The following RGS10 variants were observed in gnomAD, a reference collection of about 807,000 sequenced individuals.
RGS10 encodes regulator of G protein signaling 10, also known as regulator of G-protein signalling 10.
A neutral mutation model predicts 23.5 loss-of-function variants in RGS10; 11 were observed. That is an observed-to-expected ratio of 0.47 (90% confidence interval 0.29 to 0.77). The LOEUF is 0.77. RGS10 is among the 30% of genes least tolerant of loss of function. The pLI is 0.08. For synonymous variants in RGS10, 77 were observed against 83.2 expected (o/e 0.92, Z 0.41); for missense variants, 180 against 226.3 (o/e 0.80, Z 1.31).
chr10:119,507,579 CTTTTTTT>C (rs35699150), intron 4 of RGS10, among the ~76,000 whole-genome samples: 9 of 64,404 alleles, frequency 1.4e-4, no homozygotes, highest in Non-Finnish European at 2.4e-4. Context: ...TCACCCAAGG[CTTTTTTT>C]TTTTTTTTTT....
intron 4 of RGS10, among the ~76,000 whole-genome samples, chr10:119,505,914 C>G (rs150016943): frequency 1.6e-4 from 24 of 152,334 alleles, no homozygotes; most frequent in African/African-American, 5.5e-4. Flanking sequence ...GGAAAAAAAT[C>G]ATTCCTTAAG....
rs1404270743 is a variant in RGS10, at chr10:119,527,387, G to C, written c.87C>G (p.His29Gln). Residue 29 changes from histidine to glutamine, a missense_variant, in exon 2 of 5, where the codon CAC becomes CAG. Transcript: ENST00000369103. This position sits in a 1 kb window ranked among gnomAD's most constrained non-coding sequence, Gnocchi z 4.2. Reference sequence around the variant, plus strand: ...ATTTGGCTGTGCTCTTGAGGCTCTGGTGGCTGCTGCTGGAACTGCCATCGC... The same window carrying C: ...ATTTGGCTGTGCTCTTGAGGCTCTGCTGGCTGCTGCTGGAACTGCCATCGC... The part of the protein sequence containing the change: ...HDSDGSSSSS[H>Q]QSLKSTAKWA... 6.2e-7 allele frequency: 1 copy of C among 1,614,218 alleles called. No homozygotes were observed. The highest frequency in any genetic ancestry group is 1.1e-5 in the South Asian group (1 of 91,080).
In RGS10 at chr10:119,503,062, C is replaced by T. The variant is rs146773184; in HGVS notation, c.400-2803G>A. Reference sequence around the variant, plus strand: ...AGGGTGCTCCTGGGACGGGGCTCAGCAAAGGTGACTTAGAGGATGGAGAAT... The same window carrying T: ...AGGGTGCTCCTGGGACGGGGCTCAGTAAAGGTGACTTAGAGGATGGAGAAT... On this transcript the variant is annotated intron_variant, in intron 4 of 4. Coordinates refer to ENST00000369103, the MANE Select transcript of RGS10 (RefSeq NM_001005339.2). Among the ~76,000 whole-genome samples, 72 of 152,272 alleles carry T rather than the reference C, an allele frequency of 4.7e-4. 2 individuals are homozygous for T. In the East Asian group the frequency reaches 0.014, roughly 29 times the overall value.
intron 4 of RGS10, among the ~76,000 whole-genome samples, chr10:119,508,734 C>G (rs1844043416): frequency 6.6e-6 from 1 of 152,164 alleles, no homozygotes; most frequent in Admixed American, 6.6e-5. Context: ...TCACTTCATA[C>G]CCACCTGGAC....
At chr10:119,533,902 C>T (rs965319906) in intron 1 of RGS10, among the ~76,000 whole-genome samples, 16 of 152,056 alleles carry the variant, frequency 1.1e-4, no homozygotes, top group African/African-American at 4.8e-5. Context: ...ATGCAAAATA[C>T]GTATTTTTCA....
chr10:119,519,751 CTG>C (rs1844191733), intron 3 of RGS10, among the ~76,000 whole-genome samples: 1 of 146,442 alleles, frequency 6.8e-6, no homozygotes, highest in African/African-American at 2.5e-5. Flanking sequence ...TCCTGTCTCC[CTG>C]TGTCTGTCTC....
chr10:119,512,554 A>AC (rs397709243), intron 4 of RGS10, among the ~76,000 whole-genome samples: 1 of 146,448 alleles, frequency 6.8e-6, no homozygotes, highest in African/African-American at 2.5e-5. Flanking sequence ...ATTAAAAAAA[A>AC]TTTTTTTTTT....
At chr10:119,516,945 A>G (rs576717085) in intron 3 of RGS10, among the ~76,000 whole-genome samples, 1 of 152,256 alleles carries the variant, frequency 6.6e-6, no homozygotes, top group African/African-American at 2.4e-5. Flanking sequence ...GCATGACCTT[A>G]CCCTACAGAG....
intron 4 of RGS10, among the ~76,000 whole-genome samples, chr10:119,507,009 T>C (rs2133945963): frequency 6.6e-6 from 1 of 152,298 alleles, no homozygotes; most frequent in East Asian, 1.9e-4. Flanking sequence ...CCAAATACCA[T>C]TTTAAAGTTG....
rs767586098 is a variant in RGS10 at position 119,536,439 on chromosome 10, G to A, written c.49+6151C>T. 6 of 1,611,154 alleles carry A rather than the reference G, an allele frequency of 3.7e-6. No individual in the cohort carries two copies. The African/African-American group carries it at 8.0e-5, about 22-fold the overall frequency. On this transcript the variant is annotated intron_variant, in intron 1 of 4. Coordinates refer to ENST00000369103, the MANE Select transcript of RGS10 (RefSeq NM_001005339.2). ...AGGCGACAGGCAAACTGCGGACATG[G>A]AAAGGGGTGGGGGCGATTCCTTACG...
chr10:119,533,256 C>T (rs1348714603), intron 1 of RGS10, among the ~76,000 whole-genome samples: 2 of 151,122 alleles, frequency 1.3e-5, no homozygotes, highest in South Asian at 4.2e-4. Flanking sequence ...TGTTTGAACC[C>T]GGGAGGCGGA....
At chr10:119,530,440 AC>A (rs1279515840) in intron 1 of RGS10, among the ~76,000 whole-genome samples, 1 of 152,148 alleles carries the variant, frequency 6.6e-6, no homozygotes, top group Non-Finnish European at 1.5e-5. Flanking sequence ...TGTAATCCAA[AC>A]ACCTTGGGAG....
intron 4 of RGS10, among the ~76,000 whole-genome samples, chr10:119,513,708 T>C (rs1844103830): frequency 6.6e-6 from 1 of 152,150 alleles, no homozygotes; most frequent in Non-Finnish European, 1.5e-5. Flanking sequence ...TCATCCTACC[T>C]TGGCTCCCGC....
intron 1 of RGS10, among the ~76,000 whole-genome samples, chr10:119,531,104 A>G (rs1844326233): frequency 6.6e-6 from 1 of 152,238 alleles, no homozygotes; most frequent in Non-Finnish European, 1.5e-5. Flanking sequence ...AATCCAATTA[A>G]AAGATCATTA....
intron 3 of RGS10, among the ~76,000 whole-genome samples, chr10:119,519,323 T>C (rs148077906): frequency 0.018 from 2,590 of 145,688 alleles, 61 homozygotes; most frequent in African/African-American, 0.064. Flanking sequence ...AGCTCCTGTC[T>C]CCCTGTCTGT....
Position 119,538,915 on chromosome 10 carries a change from C to T in RGS10, c.49+3675G>A, listed in dbSNP as rs1844412939. Among the ~76,000 whole-genome samples the T allele has an allele frequency of 6.6e-6, 1 of 152,126 alleles. No homozygotes were observed. Among genetic ancestry groups the T allele is most frequent in the Non-Finnish European group, 1.5e-5 (1 of 68,022 alleles). ...GCCCAGCATCTGGGGACTCACTCCA[C>T]CCAGGGAGGGAAGTGACTCAGTTCA... On this transcript the variant is annotated intron_variant, in intron 1 of 4. Coordinates refer to ENST00000369103, the MANE Select transcript of RGS10 (RefSeq NM_001005339.2). This position sits in a 1 kb window ranked among gnomAD's most constrained non-coding sequence, Gnocchi z 4.5.
At chr10:119,532,374 C>T (rs964628604) in intron 1 of RGS10, among the ~76,000 whole-genome samples, 11 of 152,098 alleles carry the variant, frequency 7.2e-5, no homozygotes, top group African/African-American at 2.7e-4. Context: ...ACTCAGGGTC[C>T]CCTGCTCAGG....
At chr10:119,508,848 G>A (rs990415868) in intron 4 of RGS10, among the ~76,000 whole-genome samples, 1 of 152,192 alleles carries the variant, frequency 6.6e-6, no homozygotes, top group African/African-American at 2.4e-5. Context: ...AATCACAGCA[G>A]CACTTTAGGA....
At position 119,500,066 on chromosome 10, in the gene RGS10, G is replaced by C. The variant is rs772658621; in HGVS notation, c.*47C>G. ...GATAAACCCGGCACGGTCCTGAGAG[G>C]AAATTCCTTTGCTTCTTAAAGCTGC... On this transcript the variant is annotated 3_prime_UTR_variant, in exon 5 of 5. Coordinates refer to ENST00000369103, the MANE Select transcript of RGS10 (RefSeq NM_001005339.2). 1.9e-6 allele frequency: 3 copies of C among 1,598,268 alleles called. No homozygotes were observed. In the Admixed American group the frequency reaches 5.2e-5, roughly 28 times the overall value.
Sources: allele counts gnomAD v4.1 joint callset (sites outside exome capture counted in the v4.1 genomes callset), GRCh38; gene constraint gnomAD v4.1.1; non-coding constraint Gnocchi (gnomAD v3.1); transcripts MANE v1.5; gene names NCBI Gene and HGNC (gene_info 2026-07-23, HGNC 2026-07-21).